Variants in HDAC9 observed in about 807,000 individuals in gnomAD.
HDAC9 encodes the protein histone deacetylase 9.
HDAC9 carries 41 observed loss-of-function variants against 139.4 expected under a neutral mutation model. That is an observed-to-expected ratio of 0.29 (90% CI 0.23 to 0.38). The LOEUF (loss-of-function observed/expected upper bound fraction) is 0.38, where lower values mean the gene tolerates loss of function less well. Among genes scored for constraint, HDAC9 ranks in the 10% least tolerant of loss-of-function variants. The probability of loss-of-function intolerance (pLI) is 1.00; values close to 1 mark genes in which losing one functional copy is unlikely to be tolerated. For missense variants in HDAC9, 1,147 were observed against 1,297.0 expected, an observed-to-expected ratio of 0.88 and a Z score of 1.78; for synonymous variants, 517 against 476.2, an observed-to-expected ratio of 1.09 and a Z score of -1.12.
At chr7:18,810,442 GTTC>G (rs1353564593) in intron 17 of HDAC9, among the ~76,000 whole-genome samples, 3 of 145,642 alleles carry the variant, frequency 2.1e-5, no homozygotes, top group East Asian at 1.9e-4. Flanking sequence ...TCAAGGTAGA[GTTC>G]TTCTTTAATA....
In HDAC9 at chr7:18,585,519, C is replaced by A. The variant is rs773178047; in HGVS notation, c.261C>A (p.Ile87=). The A allele has an allele frequency of 6.2e-7, 1 of 1,613,356 alleles. No homozygotes were observed. The highest frequency in any genetic ancestry group is 1.1e-5 in the South Asian group (1 of 91,048). The change falls in exon 3 of 26, where the codon ATC becomes ATA. Residue 87 remains isoleucine, a synonymous_variant. Coordinates refer to ENST00000686413, the MANE Select transcript of HDAC9 (RefSeq NM_178425.4). The part of the protein sequence containing the change: ...RQHQAQLQEH[I]KLQQELLAIK... ...ACCAGGCTCAGCTTCAGGAGCATATCAAGGTAGCAAATGCTTCTTTGTCTG... is the reference window on the plus strand; with the variant it reads ...ACCAGGCTCAGCTTCAGGAGCATATAAAGGTAGCAAATGCTTCTTTGTCTG...
At position 18,273,845 on chromosome 7, in the gene HDAC9, C is replaced by G. The variant is rs140911093; in HGVS notation, c.25+111496C>G. Among the ~76,000 whole-genome samples the G allele has an allele frequency of 7.2e-5, 11 of 152,184 alleles. No individual in the cohort carries two copies. The East Asian group carries it at 2.1e-3, about 29-fold the overall frequency. On this transcript the variant is annotated intron_variant, in intron 2 of 12. Transcript: ENST00000417496. The stretch of plus-strand genomic sequence containing the variant: ...CCAAATGTCTACTAAGCAGCCAAGA[C>G]AAGGATTAGGGAAATGCAAATCAAA...
At chr7:18,820,252 T>TA (rs1368712453) in intron 17 of HDAC9, among the ~76,000 whole-genome samples, 1 of 152,178 alleles carries the variant, frequency 6.6e-6, no homozygotes, top group Non-Finnish European at 1.5e-5. Context: ...ATTAATTATT[T>TA]AAAAAACTTG....
intron 1 of HDAC9, among the ~76,000 whole-genome samples, chr7:18,405,146 T>G (rs973858111): frequency 6.6e-6 from 1 of 152,266 alleles, no homozygotes; most frequent in South Asian, 2.1e-4. Flanking sequence ...GGAATTGATT[T>G]TTTTCTTCAT....
chr7:18,801,426 T>C (rs1036868217), intron 17 of HDAC9, among the ~76,000 whole-genome samples: 1 of 152,056 alleles, frequency 6.6e-6, no homozygotes, highest in Non-Finnish European at 1.5e-5. Flanking sequence ...ATTTTTGTAT[T>C]CTTGAGATAC....
intron 2 of HDAC9, among the ~76,000 whole-genome samples, chr7:18,532,974 G>T (rs1387766924): frequency 6.6e-6 from 1 of 152,102 alleles, no homozygotes; most frequent in Non-Finnish European, 1.5e-5. Context: ...GTGTGCTTGT[G>T]TGTGTGCACA....
At chr7:18,380,789 A>G (rs920221798) in intron 1 of HDAC9, among the ~76,000 whole-genome samples, 1 of 152,198 alleles carries the variant, frequency 6.6e-6, no homozygotes, top group Admixed American at 6.5e-5. Context: ...TTTCTCATCT[A>G]GGAGGAAAGA....
intron 1 of HDAC9, among the ~76,000 whole-genome samples, chr7:18,340,792 A>T (rs776962975): frequency 1.3e-5 from 2 of 151,550 alleles, no homozygotes; most frequent in Non-Finnish European, 3.0e-5. Context: ...TTATTTTTTC[A>T]TATGGTTACC....
chr7:18,862,372 A>G (rs1225073252), intron 21 of HDAC9, among the ~76,000 whole-genome samples: 1 of 152,222 alleles, frequency 6.6e-6, no homozygotes, highest in Non-Finnish European at 1.5e-5. Context: ...GTTAATCTAA[A>G]TGAATCCCCC....
intron 25 of HDAC9, among the ~76,000 whole-genome samples, chr7:18,981,413 C>A (rs1784942399): frequency 6.6e-6 from 1 of 152,216 alleles, no homozygotes; most frequent in Non-Finnish European, 1.5e-5. Context: ...CAGTAGAATA[C>A]TGCAAATTTA....
intron 22 of HDAC9, among the ~76,000 whole-genome samples, chr7:18,879,961 A>G (rs1267498902): frequency 6.6e-6 from 1 of 152,152 alleles, no homozygotes; most frequent in Non-Finnish European, 1.5e-5. Context: ...AAACAAATTT[A>G]CAAGAGAAAA....
Position 18,778,546 on chromosome 7 carries a change from A to G in HDAC9, c.2214+11391A>G, listed in dbSNP as rs367638770. On this transcript the variant is annotated intron_variant, in intron 16 of 25. Transcript: ENST00000686413. The stretch of plus-strand genomic sequence containing the variant: ...AGTGTGGACATCAGATTAAATGAAG[A>G]AACAGTAGGAAAGTACTAAAATGGT... Among the ~76,000 whole-genome samples, 31 of 152,178 alleles carry G rather than the reference A, an allele frequency of 2.0e-4. No homozygotes were observed. The South Asian group carries it at 6.4e-3, about 32-fold the overall frequency.
rs1790498693 is a variant in HDAC9 at position 18,654,686 on chromosome 7, A to T, written c.1467+6003A>T. ...AATTTTATTTTTGTCTAAAAGTAGA[A>T]AATTCACAGTTAAAAACAAGGCAAA... On this transcript the variant is annotated intron_variant, in intron 11 of 25. Coordinates refer to ENST00000686413, the MANE Select transcript of HDAC9 (RefSeq NM_178425.4). Among the ~76,000 whole-genome samples the T allele has an allele frequency of 2.6e-5, 4 of 152,120 alleles. No homozygotes were observed. The South Asian group carries it at 8.3e-4, about 32-fold the overall frequency.
chr7:18,956,734 C>T (rs1783177656), intron 24 of HDAC9, among the ~76,000 whole-genome samples: 1 of 152,134 alleles, frequency 6.6e-6, no homozygotes. Flanking sequence ...TTAGCTCCAA[C>T]TCCAGGGGAG....
At chr7:18,226,922 A>G (rs1793092739) in intron 2 of HDAC9, among the ~76,000 whole-genome samples, 1 of 152,216 alleles carries the variant, frequency 6.6e-6, no homozygotes, top group South Asian at 2.1e-4. Flanking sequence ...AATCAGATTT[A>G]TGTTTTGAGG....
Position 18,671,479 on chromosome 7 carries a change from T to G in HDAC9, c.1731+5003T>G, listed in dbSNP as rs192786387. ...GGCCTGATTTTTAATAGCTTTTACC[T>G]AAGTTCCTCAGATTCTCTGATTCAT... On this transcript the variant is annotated intron_variant, in intron 12 of 25. Coordinates refer to ENST00000686413, the MANE Select transcript of HDAC9 (RefSeq NM_178425.4). 2.0e-3 allele frequency among the ~76,000 whole-genome samples: 302 copies of G among 152,170 alleles called. 1 individual carries two copies. The highest frequency in any genetic ancestry group is 6.9e-3 in the African/African-American group (288 of 41,560).
At chr7:18,633,312 A>G (rs1433259070) in intron 7 of HDAC9, among the ~76,000 whole-genome samples, 1 of 152,084 alleles carries the variant, frequency 6.6e-6, no homozygotes, top group Non-Finnish European at 1.5e-5. Context: ...GAACAGTTGC[A>G]GTTAATAGTG....
At chr7:18,505,653 A>G (rs1408229703) in intron 2 of HDAC9, among the ~76,000 whole-genome samples, 1 of 152,180 alleles carries the variant, frequency 6.6e-6, no homozygotes, top group East Asian at 1.9e-4. Context: ...TAAGCGTAAA[A>G]TTCACCCATT....
intron 2 of HDAC9, among the ~76,000 whole-genome samples, chr7:18,564,394 G>T (rs1321756127): frequency 6.6e-6 from 1 of 152,006 alleles, no homozygotes; most frequent in Non-Finnish European, 1.5e-5. Context: ...TTTTTTTGGG[G>T]CTTGCTTATT....
Sources: gnomAD v4.1 joint callset for allele counts (sites outside exome capture counted in the v4.1 genomes callset) on GRCh38, gnomAD v4.1.1 for gene constraint, MANE v1.5 for transcripts, NCBI Gene and HGNC (gene_info 2026-07-23, HGNC 2026-07-21) for gene names.